Variants in SLC24A3 observed in about 807,000 individuals in gnomAD.
SLC24A3 encodes sodium/potassium/calcium exchanger 3.
SLC24A3 carries 28 observed loss-of-function variants against 75.8 expected under a neutral mutation model. The observed-to-expected ratio is 0.37, with a 90% CI of 0.27 to 0.51. The LOEUF is 0.51. Among genes scored for constraint, SLC24A3 ranks in the 20% least tolerant of loss-of-function variants. The probability of loss-of-function intolerance (pLI) is 0.94; values close to 1 mark genes in which losing one functional copy is unlikely to be tolerated. For missense variants in SLC24A3, 663 were observed against 847.8 expected, an observed-to-expected ratio of 0.78 and a Z score of 2.71; for synonymous variants, 372 against 334.1, an observed-to-expected ratio of 1.11 and a Z score of -1.24.
intron 9 of SLC24A3, among the ~76,000 whole-genome samples, chr20:19,675,730 A>T (rs1007979325): frequency 6.6e-5 from 10 of 152,216 alleles, no homozygotes; most frequent in Non-Finnish European, 1.5e-4. Flanking sequence ...ATACCAATAG[A>T]TGAGCTGTCA....
intron 2 of SLC24A3, among the ~76,000 whole-genome samples, chr20:19,428,751 G>A (rs1361277549): frequency 1.3e-5 from 2 of 151,574 alleles, no homozygotes; most frequent in Admixed American, 6.6e-5. Context: ...TGTTGGGTAC[G>A]TTGCAGCTTC....
rs76630714 is a variant in SLC24A3 at position 19,600,549 on chromosome 20, A to C, written c.612+15005A>C. Among the ~76,000 whole-genome samples the C allele has an allele frequency of 4.8e-3, 732 of 152,366 alleles. 6 individuals carry two copies. Among genetic ancestry groups the C allele is most frequent in the African/African-American group, 0.017 (703 of 41,588 alleles). On this transcript the variant is annotated intron_variant, in intron 6 of 16. Transcript: ENST00000328041. ...GAACTGAAGCAAAATGTTTAATATA[A>C]AGTGTGCAGCTCCAATTCTGGCCTT...
chr20:19,515,635 G>A, intron 3 of SLC24A3, 71 bp downstream of exon 3: 1 of 1,467,284 alleles, frequency 6.8e-7, no homozygotes, highest in Non-Finnish European at 9.5e-7. Flanking sequence ...TGTGGCACCT[G>A]AGGTGCCCCC....
At position 19,473,713 on chromosome 20, in the gene SLC24A3, G is replaced by C. The variant is rs534615091; in HGVS notation, c.272-41775G>C. ...GTAGTTCATACCAGACTCTCTCAGGGACAATGCTGTCCACAGAGGGTCTGG... is the reference window on the plus strand; with the variant it reads ...GTAGTTCATACCAGACTCTCTCAGGCACAATGCTGTCCACAGAGGGTCTGG... On this transcript the variant is annotated intron_variant, in intron 2 of 16. Transcript: ENST00000328041. Among the ~76,000 whole-genome samples, 6 of 152,282 alleles carry C rather than the reference G, an allele frequency of 3.9e-5. No homozygotes were observed. In the East Asian group the frequency reaches 9.7e-4, roughly 25 times the overall value.
rs765147131 is a variant in SLC24A3 at position 19,721,898 on chromosome 20, T to TG, written c.*765dup. Reference sequence around the variant, plus strand: ...AAGTCTTATGGGCGTCCCCTGGGGTTGGGGGGGCACAAGGTTTTGGAGGAA... The same window carrying TG: ...AAGTCTTATGGGCGTCCCCTGGGGTTGGGGGGGGCACAAGGTTTTGGAGGAA... On this transcript the variant is annotated 3_prime_UTR_variant, in exon 17 of 17. Coordinates refer to ENST00000328041, the MANE Select transcript of SLC24A3 (RefSeq NM_020689.4). The TG allele has an allele frequency of 8.5e-5, 13 of 152,416 alleles. No homozygotes were observed. Among genetic ancestry groups the TG allele is most frequent in the East Asian group, 7.7e-4 (4 of 5,166 alleles). 9.4% of individuals were successfully genotyped at this position (152,416 alleles called of 1,614,324 possible). A position where few individuals can be genotyped will look rare whatever the true frequency, so the allele number is the denominator to read the frequency against.
chr20:19,592,468 T>C (rs535904806), intron 6 of SLC24A3, among the ~76,000 whole-genome samples: 127 of 152,312 alleles, frequency 8.3e-4, no homozygotes, highest in African/African-American at 2.8e-3. Context: ...TAGTTCTGTT[T>C]CTTGGATTTA....
At chr20:19,332,805 G>A (rs996955256) in intron 2 of SLC24A3, among the ~76,000 whole-genome samples, 4 of 152,210 alleles carry the variant, frequency 2.6e-5, no homozygotes, top group African/African-American at 7.2e-5. Flanking sequence ...CACAGAGGCT[G>A]TGGCTTTTCT....
At chr20:19,396,630 T>C (rs1311201379) in intron 2 of SLC24A3, among the ~76,000 whole-genome samples, 1 of 152,214 alleles carries the variant, frequency 6.6e-6, no homozygotes, top group East Asian at 1.9e-4. Context: ...GTTCACAGCC[T>C]TTGGTTGGAA....
At chr20:19,434,288 C>T (rs951498931) in intron 2 of SLC24A3, among the ~76,000 whole-genome samples, 1 of 152,180 alleles carries the variant, frequency 6.6e-6, no homozygotes, top group Admixed American at 6.5e-5. Flanking sequence ...TCCATCAGCC[C>T]CTTTTGATCA....
intron 1 of SLC24A3, 172 bp downstream of exon 1, chr20:19,213,156 A>G: frequency 2.8e-6 from 2 of 709,356 alleles, no homozygotes; most frequent in East Asian, 4.0e-5. Context: ...CCCCACGCAG[A>G]GGCATGGAGG....
Position 19,575,046 on chromosome 20 carries a change from T to G in SLC24A3, c.349-4954T>G, listed in dbSNP as rs990648976. Reference sequence around the variant, plus strand: ...GGGTAGATCACTTGAGCTCAGGAGTTTGAGACCAGCCTGGGCAACATGGTG... The same window carrying G: ...GGGTAGATCACTTGAGCTCAGGAGTGTGAGACCAGCCTGGGCAACATGGTG... On this transcript the variant is annotated intron_variant, in intron 3 of 16. Transcript: ENST00000328041. Among the ~76,000 whole-genome samples the G allele has an allele frequency of 7.9e-5, 12 of 151,866 alleles. No individual in the cohort carries two copies. The South Asian group carries it at 2.5e-3, about 32-fold the overall frequency.
At chr20:19,406,416 CTCTTT>C (rs1986647781) in intron 2 of SLC24A3, among the ~76,000 whole-genome samples, 1 of 152,114 alleles carries the variant, frequency 6.6e-6, no homozygotes, top group African/African-American at 2.4e-5. Context: ...TTTTCTGACT[CTCTTT>C]TCTTTAATGT....
At chr20:19,696,622 C>T in intron 13 of SLC24A3, 175 bp from the exon 14 acceptor site, 1 of 503,840 alleles carries the variant, frequency 2.0e-6, no homozygotes. Context: ...TGACCTGCAG[C>T]CCCGGTCGGC....
chr20:19,488,055 T>C (rs1035904045), intron 2 of SLC24A3, among the ~76,000 whole-genome samples: 2 of 152,238 alleles, frequency 1.3e-5, no homozygotes, highest in Non-Finnish European at 2.9e-5. Flanking sequence ...CTTATGGACC[T>C]CCTTCCCCAG....
intron 2 of SLC24A3, among the ~76,000 whole-genome samples, chr20:19,402,544 G>A (rs948499622): frequency 2.6e-5 from 4 of 152,128 alleles, no homozygotes; most frequent in South Asian, 2.1e-4. Context: ...AATATTAAGC[G>A]GGCCAACATT....
At chr20:19,701,728 T>C (rs2032876196) in intron 15 of SLC24A3, among the ~76,000 whole-genome samples, 1 of 152,140 alleles carries the variant, frequency 6.6e-6, no homozygotes. Flanking sequence ...ATCAAAGTTA[T>C]GAGGAATTAA....
intron 9 of SLC24A3, among the ~76,000 whole-genome samples, chr20:19,681,445 G>C (rs1273386513): frequency 6.6e-6 from 1 of 152,198 alleles, no homozygotes; most frequent in Non-Finnish European, 1.5e-5. Flanking sequence ...CTCCCAAAAA[G>C]CTGGTCCCTG....
At position 19,668,569 on chromosome 20, in the gene SLC24A3, G is replaced by A. The variant is rs915820751; in HGVS notation, c.713+2680G>A. On this transcript the variant is annotated intron_variant, in intron 8 of 16. Coordinates refer to ENST00000328041, the MANE Select transcript of SLC24A3 (RefSeq NM_020689.4). ...AACAAATTTCAATTGTGTTTATTTC[G>A]AAACTACAGTACTCTTTAAGAGGAA... Among the ~76,000 whole-genome samples, 14 of 152,050 alleles carry A rather than the reference G, an allele frequency of 9.2e-5. No homozygotes were observed. In the South Asian group the frequency reaches 1.7e-3, roughly 18 times the overall value.
intron 1 of SLC24A3, among the ~76,000 whole-genome samples, chr20:19,226,637 G>A (rs188969536): frequency 3.9e-5 from 6 of 152,258 alleles, no homozygotes; most frequent in South Asian, 2.1e-4. Flanking sequence ...GTGTGGCCGA[G>A]GACTGTTCTA....
Sources: allele counts gnomAD v4.1 joint callset (sites outside exome capture counted in the v4.1 genomes callset), GRCh38; gene constraint gnomAD v4.1.1; transcripts MANE v1.5; gene names NCBI Gene and HGNC (gene_info 2026-07-23, HGNC 2026-07-21).